NBPF3: variants seen among roughly 807,000 people sequenced by gnomAD.
The protein encoded by NBPF3 is NBPF family member NBPF3.
NBPF3 carries 57 observed loss-of-function variants against 78.1 expected under a neutral mutation model. The observed-to-expected ratio is 0.73, with a 90% CI of 0.59 to 0.91. The LOEUF (loss-of-function observed/expected upper bound fraction) is 0.91, where lower values mean the gene tolerates loss of function less well. NBPF3 is among the 40% of genes least tolerant of loss of function. The pLI, the probability that NBPF3 is intolerant of heterozygous loss-of-function variation, is 0.00. For missense variants in NBPF3, 510 were observed against 715.3 expected, an observed-to-expected ratio of 0.71 and a Z score of 3.27; for synonymous variants, 182 against 271.7, an observed-to-expected ratio of 0.67 and a Z score of 3.25.
At chr1:21,445,889 T>G (rs1373833330) in intron 2 of NBPF3, 2 of 152,228 alleles carry the variant, frequency 1.3e-5, no homozygotes, top group Non-Finnish European at 1.5e-5. Flanking sequence ...GGGTGACTAT[T>G]AGGTACCAGG....
chr1:21,471,657 T>C lies in NBPF3; in HGVS notation c.535T>C (p.Leu179=), dbSNP rs761017425. 6.2e-6 allele frequency: 10 copies of C among 1,613,070 alleles called. No homozygotes were observed. The highest frequency in any genetic ancestry group is 1.3e-5 in the African/African-American group (1 of 74,858). ...GGAAGGGAGAGATGCCTCCCGCTCATTGAATCAGCATCTCCAGGCCCTCCT... is the reference window on the plus strand; with the variant it reads ...GGAAGGGAGAGATGCCTCCCGCTCACTGAATCAGCATCTCCAGGCCCTCCT... ...LQEGRDASRS[L]NQHLQALLTP... is the part of the protein sequence containing the mutation. The change falls in exon 5 of 15, where the codon TTG becomes CTG. Residue 179 remains leucine, a synonymous_variant. Coordinates refer to ENST00000318249, the MANE Select transcript of NBPF3 (RefSeq NM_032264.6).
At chr1:21,441,128 G>T (rs1276689933) in intron 1 of NBPF3, among the ~76,000 whole-genome samples, 1 of 152,180 alleles carries the variant, frequency 6.6e-6, no homozygotes, top group Admixed American at 6.5e-5. Flanking sequence ...TCTGGCAGTG[G>T]TACCTTTTCT....
At chr1:21,447,191 A>C (rs1442798575) in intron 2 of NBPF3, among the ~76,000 whole-genome samples, 2 of 152,196 alleles carry the variant, frequency 1.3e-5, no homozygotes, top group African/African-American at 4.8e-5. Flanking sequence ...TCCTCCACAC[A>C]ATTTCTCCTA....
At chr1:21,453,248 C>T (rs1419810302) in intron 2 of NBPF3, 1 of 152,178 alleles carries the variant, frequency 6.6e-6, no homozygotes, top group Non-Finnish European at 1.5e-5. Flanking sequence ...TTTCTTCCCT[C>T]TCCCTCCCTG....
intron 2 of NBPF3, among the ~76,000 whole-genome samples, chr1:21,447,544 G>T (rs1641060017): frequency 6.6e-6 from 1 of 152,088 alleles, no homozygotes; most frequent in Admixed American, 6.5e-5. Context: ...CTAGCATTAT[G>T]TACTTTAAGT....
rs750473597 is a variant in NBPF3 at position 21,483,154 on chromosome 1, T to C, written c.1670T>C (p.Val557Ala). The change falls in exon 15 of 15, where the codon GTG (valine) becomes GCG (alanine). Residue 557 changes from valine to alanine, a missense_variant. This residue lies in a region of NBPF3 where 25 missense variants were observed against 27.3 expected (regional missense o/e 0.92). Transcript: ENST00000318249. ...QKPPCPRLNE[V>A]LMEAEEPEVL... ...GTCTCCTTTTCCAGGCTCAACGAGG[T>C]GCTGATGGAAGCAGAAGAGCCTGAA... 8 of 1,610,736 alleles carry C rather than the reference T, an allele frequency of 5.0e-6. No homozygotes were observed. The African/African-American group carries it at 1.1e-4, about 22-fold the overall frequency.
upstream of NBPF3, chr1:21,437,401 C>G (rs1278331520): frequency 9.7e-7 from 1 of 1,027,490 alleles, no homozygotes; most frequent in Non-Finnish European, 1.4e-6. Context: ...GAGTGGAATC[C>G]TGGCTCTCAA....
intron 5 of NBPF3, among the ~76,000 whole-genome samples, chr1:21,472,063 G>C (rs530528504): frequency 3.2e-4 from 48 of 152,218 alleles, no homozygotes; most frequent in Non-Finnish European, 5.7e-4. Flanking sequence ...ACAGGAAGGA[G>C]GCTGTGACGG....
intron 1 of NBPF3, among the ~76,000 whole-genome samples, chr1:21,441,706 C>CA (rs772118033): frequency 0.12 from 9,063 of 76,636 alleles, 926 homozygotes; most frequent in African/African-American, 0.31. Context: ...GAGCCTATCT[C>CA]AAAAAAAAAA....
chr1:21,437,558 C>T (rs752031189), upstream of NBPF3: 108 of 1,142,380 alleles, frequency 9.5e-5, no homozygotes, highest in Middle Eastern at 1.5e-3. Context: ...GAGCTGGGGG[C>T]TACTGAAGAA....
chr1:21,444,784 T>C (rs1359380779), intron 1 of NBPF3, among the ~76,000 whole-genome samples, 164 bp from the exon 2 acceptor site: 3 of 152,130 alleles, frequency 2.0e-5, no homozygotes, highest in Admixed American at 2.0e-4. Flanking sequence ...TGGTCAGGAC[T>C]GTTGATTACA....
At chr1:21,443,964 C>T (rs1640813287) in intron 1 of NBPF3, among the ~76,000 whole-genome samples, 1 of 152,146 alleles carries the variant, frequency 6.6e-6, no homozygotes, top group Non-Finnish European at 1.5e-5. Context: ...TTACTAAAAT[C>T]TCTTACGGCT....
At chr1:21,459,185 A>G (rs1641804472) in intron 2 of NBPF3, among the ~76,000 whole-genome samples, 1 of 152,234 alleles carries the variant, frequency 6.6e-6, no homozygotes. Flanking sequence ...TATTTCTAGT[A>G]GGAGATTTTA....
chr1:21,475,439 A>G (rs1375222437), intron 8 of NBPF3, among the ~76,000 whole-genome samples: 1 of 152,234 alleles, frequency 6.6e-6, no homozygotes, highest in Non-Finnish European at 1.5e-5. Context: ...AATGTGTCCC[A>G]GAGATTCTGG....
chr1:21,473,613 C>T, intron 7 of NBPF3, 28 bp downstream of exon 7: 1 of 1,575,416 alleles, frequency 6.3e-7, no homozygotes, highest in Non-Finnish European at 8.7e-7. Context: ...GTGTCTCACA[C>T]CTTTTCCTAT....
chr1:21,479,653 G>A (rs1230321307), intron 10 of NBPF3, among the ~76,000 whole-genome samples: 9 of 152,120 alleles, frequency 5.9e-5, no homozygotes, highest in Non-Finnish European at 5.9e-5. Context: ...CTGCAGGGAA[G>A]CTTGAGCACA....
intron 5 of NBPF3, among the ~76,000 whole-genome samples, 175 bp downstream of exon 5, chr1:21,471,958 G>T (rs181046346): frequency 6.6e-6 from 1 of 152,318 alleles, no homozygotes; most frequent in East Asian, 1.9e-4. Context: ...GTGGGAAACC[G>T]ATTGGGTTGG....
Position 21,471,650 on chromosome 1 carries a change from C to T in NBPF3, c.528C>T (p.Ser176=), listed in dbSNP as rs745974173. ...REKLQEGRDA[S]RSLNQHLQAL... ...AGTTACAGGAAGGGAGAGATGCCTC[C>T]CGCTCATTGAATCAGCATCTCCAGG... Residue 176 remains serine, a synonymous_variant, in exon 5 of 15, where the codon TCC becomes TCT. Coordinates refer to ENST00000318249, the MANE Select transcript of NBPF3 (RefSeq NM_032264.6). 23 of 1,612,856 alleles carry T rather than the reference C, an allele frequency of 1.4e-5. No individual in the cohort carries two copies. The highest frequency in any genetic ancestry group is 6.7e-5 in the Admixed American group (4 of 59,992).
At position 21,475,066 on chromosome 1, in the gene NBPF3, G is replaced by A. The variant is rs1419336592; in HGVS notation, c.992+115G>A. 11 of 898,938 alleles carry A rather than the reference G, an allele frequency of 1.2e-5. No homozygotes were observed. In the South Asian group the frequency reaches 1.6e-4, roughly 13 times the overall value. 55.7% of individuals were successfully genotyped at this position (898,938 alleles called of 1,614,324 possible). A position where few individuals can be genotyped will look rare whatever the true frequency, so the allele number is the denominator to read the frequency against. On this transcript the variant is annotated intron_variant, in intron 8 of 14. Coordinates refer to ENST00000318249, the MANE Select transcript of NBPF3 (RefSeq NM_032264.6). ...TTTTATTCCATTCACCCAGCTACAA[G>A]TTGTCCTTATTAACAATGTTGTACA...
Sources: allele counts gnomAD v4.1 joint callset (sites outside exome capture counted in the v4.1 genomes callset), GRCh38; gene constraint gnomAD v4.1.1; regional missense constraint gnomAD v4.1.1; transcripts MANE v1.5; gene names NCBI Gene and HGNC (gene_info 2026-07-23, HGNC 2026-07-21).